The following ZNF33A variants were observed in gnomAD, a reference collection of about 807,000 sequenced individuals.
The protein encoded by ZNF33A is brain my041 protein.
Under a neutral mutation model 15.9 loss-of-function variants are expected in ZNF33A, and 9 were observed. That is an observed-to-expected ratio of 0.57 (90% CI 0.34 to 0.99). The LOEUF is 0.99. ZNF33A is among the 50% of genes least tolerant of loss of function. The pLI is 0.02. For synonymous variants in ZNF33A, 294 were observed against 324.2 expected, an observed-to-expected ratio of 0.91 and a Z score of 1.00; for missense variants, 843 against 941.6, an observed-to-expected ratio of 0.90 and a Z score of 1.37.
chr10:38,056,435 C>T lies in ZNF33A; in HGVS notation c.2311C>T (p.His771Tyr), dbSNP rs777047061. The T allele has an allele frequency of 4.3e-6, 7 of 1,613,926 alleles. No individual in the cohort carries two copies. The highest frequency in any genetic ancestry group is 1.3e-5 in the African/African-American group (1 of 74,918). The change falls in exon 5 of 5, where the codon CAT (histidine) becomes TAT (tyrosine). Residue 771 changes from histidine (H) to tyrosine (Y), a missense_variant. His to Tyr is a moderately conservative substitution (Grantham distance 83). Coordinates refer to ENST00000432900, the MANE Select transcript of ZNF33A (RefSeq NM_006954.2). ...AAATCTCATTGTACATCAGAGAAGA[C>T]ATATAGGAGAAAACCTTATGAATGA... ...KSNLIVHQRR[H>Y]IGENLMNEMD...
intron 4 of ZNF33A, among the ~76,000 whole-genome samples, chr10:38,018,085 CTT>C (rs2064550447): frequency 2.6e-5 from 4 of 152,248 alleles, no homozygotes; most frequent in East Asian, 1.9e-4. Flanking sequence ...CAGAGTGAGA[CTT>C]TGTCTCAAAA....
intron 4 of ZNF33A, among the ~76,000 whole-genome samples, chr10:38,025,103 A>G (rs1284032741): frequency 3.3e-5 from 5 of 152,216 alleles, no homozygotes; most frequent in South Asian, 4.1e-4. Flanking sequence ...TTAGGAAAAA[A>G]CATAGTATTT....
intron 4 of ZNF33A, among the ~76,000 whole-genome samples, chr10:38,025,090 T>C (rs1207156059): frequency 6.6e-6 from 1 of 152,236 alleles, no homozygotes; most frequent in Non-Finnish European, 1.5e-5. Context: ...TAGGTTTGTA[T>C]ATTTAGGAAA....
At chr10:38,064,433 C>T (rs1280483386), downstream of ZNF33A, 18 of 343,144 alleles carry the variant, frequency 5.2e-5, no homozygotes, top group Non-Finnish European at 4.2e-5. Flanking sequence ...ACACTGCAGC[C>T]AGCTCAGCCT....
At chr10:38,029,587 G>A (rs1347238459) in intron 4 of ZNF33A, among the ~76,000 whole-genome samples, 2 of 152,164 alleles carry the variant, frequency 1.3e-5, no homozygotes, top group East Asian at 3.8e-4. Flanking sequence ...TTTCTGTGGG[G>A]AGACAGTTTG....
chr10:38,049,023 A>T (rs968050730), intron 4 of ZNF33A, among the ~76,000 whole-genome samples: 8 of 152,174 alleles, frequency 5.3e-5, no homozygotes, highest in African/African-American at 1.7e-4. Flanking sequence ...ATTCTTGATT[A>T]TAAAGCAAAT....
At chr10:38,061,703 C>G (rs1295642095), downstream of ZNF33A, among the ~76,000 whole-genome samples, 1 of 152,058 alleles carries the variant, frequency 6.6e-6, no homozygotes, top group Non-Finnish European at 1.5e-5. Flanking sequence ...AGGCCAAGCA[C>G]AAATCCCAGC....
intron 4 of ZNF33A, among the ~76,000 whole-genome samples, chr10:38,049,523 A>T (rs1253273352): frequency 1.3e-5 from 2 of 152,120 alleles, no homozygotes; most frequent in Non-Finnish European, 2.9e-5. Context: ...CCTATATGGG[A>T]TATAATGTAT....
intron 1 of ZNF33A, 75 bp from the exon 2 acceptor site, chr10:38,012,223 C>T (rs972835752): frequency 2.6e-6 from 4 of 1,512,126 alleles, no homozygotes; most frequent in African/African-American, 2.8e-5. Context: ...TGTATGGCTT[C>T]TTAGGGCGGA....
chr10:38,031,736 G>A lies in ZNF33A; in HGVS notation c.250+14350G>A, dbSNP rs542521443. Among the ~76,000 whole-genome samples the A allele has an allele frequency of 4.6e-5, 7 of 152,024 alleles. No individual in the cohort carries two copies. The East Asian group carries it at 5.8e-4, about 13-fold the overall frequency. ...CCCCAGCACTTTGGGAGGCTGAGGC[G>A]GGCAGATCATGAGGTCAGGAGATGG... On this transcript the variant is annotated intron_variant, in intron 4 of 4. Coordinates refer to ENST00000432900, the MANE Select transcript of ZNF33A (RefSeq NM_006954.2).
intron 2 of ZNF33A, among the ~76,000 whole-genome samples, chr10:38,013,880 C>G (rs913670566): frequency 1.3e-5 from 2 of 152,060 alleles, no homozygotes; most frequent in Non-Finnish European, 2.9e-5. Context: ...TGCCAGCACT[C>G]CTGAAGCTGC....
intron 4 of ZNF33A, among the ~76,000 whole-genome samples, chr10:38,029,612 A>G (rs755089081): frequency 6.6e-6 from 1 of 152,128 alleles, no homozygotes; most frequent in African/African-American, 2.4e-5. Context: ...TGTGTACTCC[A>G]CCATTTGGTT....
chr10:38,040,833 T>C (rs146210306), intron 4 of ZNF33A, among the ~76,000 whole-genome samples: 35 of 152,342 alleles, frequency 2.3e-4, no homozygotes, highest in African/African-American at 7.2e-4. Context: ...GTTTGACTTA[T>C]GATTTTTTAA....
At chr10:38,061,486 C>T (rs1590735651), downstream of ZNF33A, among the ~76,000 whole-genome samples, 1 of 152,286 alleles carries the variant, frequency 6.6e-6, no homozygotes, top group East Asian at 1.9e-4. Context: ...CTGAGCGTGG[C>T]CTGGCATTGC....
chr10:38,050,745 A>T (rs2066165601), intron 4 of ZNF33A, among the ~76,000 whole-genome samples: 2 of 152,206 alleles, frequency 1.3e-5, no homozygotes, highest in Admixed American at 6.5e-5. Context: ...CTCTCCCCTG[A>T]GCCTGTCCCT....
At chr10:38,020,957 T>C (rs1004876754) in intron 4 of ZNF33A, among the ~76,000 whole-genome samples, 6 of 152,218 alleles carry the variant, frequency 3.9e-5, no homozygotes, top group African/African-American at 1.4e-4. Flanking sequence ...GCTCTGTAAG[T>C]GCTCACCTGA....
intron 4 of ZNF33A, among the ~76,000 whole-genome samples, chr10:38,044,960 G>A (rs564091889): frequency 7.2e-5 from 11 of 152,306 alleles, no homozygotes; most frequent in African/African-American, 2.6e-4. Context: ...GAGCCACCGT[G>A]TCTGGCCCGA....
intron 4 of ZNF33A, among the ~76,000 whole-genome samples, chr10:38,017,923 C>T (rs180799521): frequency 6.6e-5 from 10 of 152,092 alleles, no homozygotes; most frequent in Admixed American, 3.3e-4. Context: ...GGTGAAACCC[C>T]GTCTGTACTA....
chr10:38,010,829 G>A (rs767416804), intron 1 of ZNF33A, 46 bp downstream of exon 1: 2 of 1,594,408 alleles, frequency 1.3e-6, no homozygotes, highest in East Asian at 2.2e-5. Context: ...AGCCCCGCGC[G>A]ACTCCTGGGG....
Sources: gnomAD v4.1 joint callset for allele counts (sites outside exome capture counted in the v4.1 genomes callset) on GRCh38, gnomAD v4.1.1 for gene constraint, MANE v1.5 for transcripts, NCBI Gene and HGNC (gene_info 2026-07-23, HGNC 2026-07-21) for gene names.